Variants in PLEKHG1 observed in about 807,000 individuals in gnomAD.
PLEKHG1 encodes the protein pleckstrin homology domain-containing family G member 1.
PLEKHG1 carries 44 observed loss-of-function variants against 100.8 expected under a neutral mutation model. The ratio of observed to expected loss-of-function variants is 0.44; its 90% CI spans 0.34 to 0.56. PLEKHG1 has a LOEUF of 0.56. Among genes scored for constraint, PLEKHG1 ranks in the 20% least tolerant of loss-of-function variants. The pLI is 0.01. For missense variants in PLEKHG1, 1,545 were observed against 1,720.9 expected, an observed-to-expected ratio of 0.90 and a Z score of 1.81; for synonymous variants, 640 against 662.5, an observed-to-expected ratio of 0.97 and a Z score of 0.52.
At chr6:150,684,566 G>A (rs553180873) in intron 3 of PLEKHG1, among the ~76,000 whole-genome samples, 5 of 152,272 alleles carry the variant, frequency 3.3e-5, no homozygotes, top group Admixed American at 3.3e-4. Context: ...TTCCGAAATG[G>A]TTCTGGCCAA....
intron 3 of PLEKHG1, among the ~76,000 whole-genome samples, chr6:150,675,821 A>T (rs1033301885): frequency 1.3e-5 from 2 of 152,268 alleles, no homozygotes; most frequent in Non-Finnish European, 2.9e-5. Context: ...GGGGAAAAGC[A>T]TGAGGATTAT....
At chr6:150,786,501 A>T (rs1785630257) in intron 4 of PLEKHG1, 42 bp downstream of exon 5, 1 of 1,278,812 alleles carries the variant, frequency 7.8e-7, no homozygotes, top group Admixed American at 1.9e-5. Context: ...AGACAGATAC[A>T]GAGTACAGAA....
intron 1 of PLEKHG1, among the ~76,000 whole-genome samples, chr6:150,615,546 C>T (rs1456677203): frequency 1.3e-5 from 2 of 152,036 alleles, no homozygotes; most frequent in South Asian, 2.1e-4. Context: ...CTAAATCTCC[C>T]GAATATAAAT....
chr6:150,660,785 CGT>C (rs1426773858), intron 3 of PLEKHG1, among the ~76,000 whole-genome samples: 1 of 152,160 alleles, frequency 6.6e-6, no homozygotes, highest in African/African-American at 2.4e-5. Flanking sequence ...CACCTGCCAA[CGT>C]GTGTGTTTTA....
chr6:150,705,237 T>G (rs866777622), intron 3 of PLEKHG1, among the ~76,000 whole-genome samples: 1 of 152,242 alleles, frequency 6.6e-6, no homozygotes, highest in African/African-American at 2.4e-5. Flanking sequence ...TCTCTAAGTG[T>G]CTGCAGAAGA....
chr6:150,830,733 C>A (rs200746163), exon 15 of PLEKHG1: 3 of 1,614,174 alleles, frequency 1.9e-6, no homozygotes. Flanking sequence ...ATCAGGCAAG[C>A]CTTGTTTCCC....
chr6:150,750,749 C>T (rs1033313800), intron 2 of PLEKHG1, among the ~76,000 whole-genome samples: 1 of 130,468 alleles, frequency 7.7e-6, no homozygotes, highest in Non-Finnish European at 1.5e-5. Context: ...CCACTGCACT[C>T]CAGCCTGGGC....
In PLEKHG1 at chr6:150,832,218, T is replaced by A. The variant is rs369015557; in HGVS notation, c.3094+13T>A. 1.7e-5 allele frequency: 27 copies of A among 1,548,164 alleles called. No homozygotes were observed. The African/African-American group carries it at 3.7e-4, about 21-fold the overall frequency. ...GGGCCCGCCATTGGTATGTGCACCC[T>A]GCCCTTCTTCCTTCTCCAAAGTAAG... is the stretch of plus-strand genomic sequence containing the variant. On this transcript the variant is annotated intron_variant, in intron 15 of 15. Coordinates refer to ENST00000358517, the Ensembl canonical transcript of PLEKHG1.
chr6:150,713,034 A>C lies in PLEKHG1; in HGVS notation c.-98-20550A>C, dbSNP rs549338079. ...ATCATACTTGTCATTTTTTGTTTGA[A>C]ACTTAAAGCCCATGTCCATTCACTG... On this transcript the variant is annotated intron_variant, in intron 3 of 3. Coordinates refer to the PLEKHG1 transcript ENST00000367326. 6.8e-4 allele frequency among the ~76,000 whole-genome samples: 103 copies of C among 152,288 alleles called. 1 individual carries two copies. The highest frequency in any genetic ancestry group is 2.3e-3 in the African/African-American group (97 of 41,574).
chr6:150,791,188 C>T, intron 4 of PLEKHG1, among the ~76,000 whole-genome samples: 1 of 152,180 alleles, frequency 6.6e-6, no homozygotes. Flanking sequence ...AGACCTACTA[C>T]ATCAGTAACC....
chr6:150,734,244 C>T (rs569112898), intron 2 of PLEKHG1, 152 bp downstream of exon 3: 18 of 762,036 alleles, frequency 2.4e-5, no homozygotes, highest in East Asian at 2.3e-4. Context: ...ACCCTAAGGC[C>T]GTAACCCACT....
intron 6 of PLEKHG1, 115 bp downstream of exon 7, chr6:150,800,984 CT>C: frequency 6.1e-6 from 5 of 823,628 alleles, no homozygotes; most frequent in Non-Finnish European, 9.7e-6. Context: ...ATTTCCCACA[CT>C]CATATTTCAC....
At chr6:150,665,685 CA>C (rs1382943899) in intron 3 of PLEKHG1, among the ~76,000 whole-genome samples, 1 of 147,306 alleles carries the variant, frequency 6.8e-6, no homozygotes, top group Non-Finnish European at 1.5e-5. Flanking sequence ...GAAGGCTGAG[CA>C]GGGGGACTTT....
chr6:150,658,136 T>G (rs1008745814), intron 3 of PLEKHG1, among the ~76,000 whole-genome samples: 11 of 152,328 alleles, frequency 7.2e-5, no homozygotes, highest in Middle Eastern at 3.4e-3. Flanking sequence ...CCAGTCGTCC[T>G]CATTTCAGTT....
chr6:150,719,493 A>T (rs936148631), upstream of PLEKHG1, among the ~76,000 whole-genome samples: 2 of 152,228 alleles, frequency 1.3e-5, no homozygotes, highest in Non-Finnish European at 1.5e-5. Context: ...TGCCCCCAAC[A>T]GCTACCATGC....
chr6:150,746,143 G>T (rs978777703), intron 2 of PLEKHG1, among the ~76,000 whole-genome samples: 1 of 152,174 alleles, frequency 6.6e-6, no homozygotes, highest in Admixed American at 6.5e-5. Flanking sequence ...ATAGCCGCTA[G>T]GTTGTCGGGA....
intron 2 of PLEKHG1, among the ~76,000 whole-genome samples, chr6:150,643,074 T>A (rs1412988476): frequency 1.1e-4 from 17 of 152,144 alleles, no homozygotes; most frequent in Non-Finnish European, 2.2e-4. Context: ...TTGCTGTAAG[T>A]ATGAAAAACA....
intron 1 of PLEKHG1, among the ~76,000 whole-genome samples, chr6:150,636,721 A>G (rs1309698769): frequency 4.6e-4 from 70 of 152,222 alleles, no homozygotes; most frequent in African/African-American, 1.3e-3. Context: ...CTCTGTTAGA[A>G]GTTAGATACC....
chr6:150,660,342 A>G (rs910038848), intron 3 of PLEKHG1, among the ~76,000 whole-genome samples: 1 of 152,182 alleles, frequency 6.6e-6, no homozygotes, highest in African/African-American at 2.4e-5. Flanking sequence ...ATATAGAAAC[A>G]TGTTTTATTT....
Sources: gnomAD v4.1 joint callset for allele counts (sites outside exome capture counted in the v4.1 genomes callset) on GRCh38, gnomAD v4.1.1 for gene constraint, MANE v1.5 for transcripts, NCBI Gene and HGNC (gene_info 2026-07-23, HGNC 2026-07-21) for gene names.